Variants in FILIP1 observed in about 807,000 individuals in gnomAD.
The protein encoded by FILIP1 is filamin A interacting protein 1, also known as filamin-A-interacting protein 1.
FILIP1 carries 61 observed loss-of-function variants against 102.1 expected under a neutral mutation model. The ratio of observed to expected loss-of-function variants is 0.60; its 90% CI spans 0.49 to 0.74. The LOEUF (loss-of-function observed/expected upper bound fraction) is 0.74, where lower values mean the gene tolerates loss of function less well. Among genes scored for constraint, FILIP1 ranks in the 30% least tolerant of loss-of-function variants. FILIP1 has a pLI of 0.00. For synonymous variants in FILIP1, 491 were observed against 526.9 expected (o/e 0.93, Z 0.93); for missense variants, 1,314 against 1,441.2 (o/e 0.91, Z 1.43).
chr6:75,465,415 G>A, intron 1 of FILIP1: 1 of 624,528 alleles, frequency 1.6e-6, no homozygotes, highest in South Asian at 1.8e-5. Context: ...TAGCTCCAAT[G>A]AAGTGGTGGA....
intron 4 of FILIP1, among the ~76,000 whole-genome samples, chr6:75,317,194 T>C (rs755373926): frequency 6.6e-6 from 1 of 152,182 alleles, no homozygotes; most frequent in Non-Finnish European, 1.5e-5. Context: ...TGATTCTCAA[T>C]TTTTTCACCA....
chr6:75,317,382 T>C (rs1773479917), intron 4 of FILIP1, among the ~76,000 whole-genome samples: 2 of 152,186 alleles, frequency 1.3e-5, no homozygotes, highest in Admixed American at 6.5e-5. Flanking sequence ...TGAAGATTAA[T>C]TGAAATAGTA....
chr6:75,418,058 C>T (rs963002267), intron 1 of FILIP1, among the ~76,000 whole-genome samples: 1 of 152,296 alleles, frequency 6.6e-6, no homozygotes, highest in South Asian at 2.1e-4. Flanking sequence ...ATTAGCTGGG[C>T]ATGGTGGCGT....
intron 4 of FILIP1, among the ~76,000 whole-genome samples, chr6:75,350,211 A>G (rs1774742620): frequency 6.6e-6 from 1 of 152,202 alleles, no homozygotes; most frequent in Admixed American, 6.5e-5. Flanking sequence ...ACAGAAAAAC[A>G]AAAAAGATTT....
In FILIP1 at chr6:75,415,069, C is replaced by G. The variant is rs527816808; in HGVS notation, c.-6-91G>C. On this transcript the variant is annotated intron_variant, in intron 1 of 5. Transcript: ENST00000237172. ...TACTTAGAAACTTATAGCAGCTTTACCACATCGCCAATAAGGAAAAATCAA... is the reference window on the plus strand; with the variant it reads ...TACTTAGAAACTTATAGCAGCTTTAGCACATCGCCAATAAGGAAAAATCAA... The G allele has an allele frequency of 1.8e-5, 22 of 1,200,152 alleles. No homozygotes were observed. The African/African-American group carries it at 3.4e-4, about 18-fold the overall frequency. The allele number at this position is 1,200,152 out of a possible 1,614,324, so 74.3% of individuals were successfully genotyped here. A position where few individuals can be genotyped will look rare whatever the true frequency, so the allele number is the denominator to read the frequency against.
chr6:75,357,311 T>G (rs1296121149), intron 3 of FILIP1: 3 of 152,262 alleles, frequency 2.0e-5, no homozygotes, highest in Non-Finnish European at 4.4e-5. Flanking sequence ...AGTCATTACA[T>G]GGACATCTGG....
At chr6:75,372,676 A>G (rs1775576957) in intron 2 of FILIP1, among the ~76,000 whole-genome samples, 1 of 53,278 alleles carries the variant, frequency 1.9e-5, no homozygotes, top group African/African-American at 1.3e-4. Flanking sequence ...AAAGAAAGAA[A>G]GAAAGAAAGA....
intron 1 of FILIP1, among the ~76,000 whole-genome samples, chr6:75,450,524 C>T (rs1006191780): frequency 6.6e-6 from 1 of 151,768 alleles, no homozygotes; most frequent in Non-Finnish European, 1.5e-5. Flanking sequence ...TGGCATGTGC[C>T]TGTAGTCCCA....
chr6:75,326,126 T>TAGATAC (rs1562462029), intron 4 of FILIP1, among the ~76,000 whole-genome samples: 2 of 149,542 alleles, frequency 1.3e-5, no homozygotes, highest in Non-Finnish European at 3.0e-5. Context: ...TAGATAGATA[T>TAGATAC]ACACACACAC....
intron 2 of FILIP1, among the ~76,000 whole-genome samples, chr6:75,399,564 G>A (rs141816665): frequency 1.0e-3 from 153 of 152,228 alleles, no homozygotes; most frequent in Middle Eastern, 3.4e-3. Flanking sequence ...TGAAAACAAC[G>A]TGATGCCACA....
intron 2 of FILIP1, among the ~76,000 whole-genome samples, chr6:75,379,498 G>A (rs1265899403): frequency 1.3e-5 from 2 of 152,192 alleles, no homozygotes; most frequent in Non-Finnish European, 2.9e-5. Flanking sequence ...GTCAAACCAA[G>A]GCAGACTTAT....
At chr6:75,477,838 G>T (rs533343506) in intron 1 of FILIP1, among the ~76,000 whole-genome samples, 1 of 152,136 alleles carries the variant, frequency 6.6e-6, no homozygotes, top group South Asian at 2.1e-4. Context: ...AGGAAACAAG[G>T]ATATGAGAAT....
At chr6:75,468,368 G>A (rs989065986) in intron 1 of FILIP1, among the ~76,000 whole-genome samples, 3 of 152,180 alleles carry the variant, frequency 2.0e-5, no homozygotes, top group Admixed American at 2.0e-4. Flanking sequence ...AATTAATAAT[G>A]TCAGAAAAGG....
At chr6:75,430,177 C>A (rs1485787135) in intron 1 of FILIP1, among the ~76,000 whole-genome samples, 1 of 152,170 alleles carries the variant, frequency 6.6e-6, no homozygotes, top group African/African-American at 2.4e-5. Context: ...CTCTCTCCTG[C>A]TGCCATGTAA....
chr6:75,313,813 C>T lies in FILIP1; in HGVS notation c.2019G>A (p.Lys673=). ...CTAGTTGTTGAGAGAGGAAGTTAGC[C>T]TTATCCTGCTCAGTTCTAAATTTCT... ...LEQKFRTEQD[K]ANFLSQQLEE... Residue 673 remains lysine, a synonymous_variant, in exon 5 of 6, where the codon AAG becomes AAA. Transcript: ENST00000237172. The surrounding 1 kb of genome is among the most constrained non-coding windows in gnomAD (Gnocchi z 4.2). 3 of 1,613,216 alleles carry T rather than the reference C, an allele frequency of 1.9e-6. No homozygotes were observed. Among genetic ancestry groups the T allele is most frequent in the Non-Finnish European group, 1.7e-6 (2 of 1,179,720 alleles).
At chr6:75,385,199 A>G (rs959300432) in intron 2 of FILIP1, among the ~76,000 whole-genome samples, 3 of 152,176 alleles carry the variant, frequency 2.0e-5, no homozygotes, top group Admixed American at 6.6e-5. Context: ...TTAGAATCCC[A>G]GTCTCCTGAT....
intron 2 of FILIP1, among the ~76,000 whole-genome samples, chr6:75,389,759 T>A (rs1582433755): frequency 7.2e-5 from 11 of 152,234 alleles, no homozygotes; most frequent in African/African-American, 2.7e-4. Context: ...GATTCTTCTC[T>A]CTTTTCTTCT....
chr6:75,372,686 A>AAAG (rs1395213013), intron 2 of FILIP1, among the ~76,000 whole-genome samples: 2 of 27,228 alleles, frequency 7.3e-5, no homozygotes, highest in African/African-American at 4.6e-4. Flanking sequence ...AGAAAGAAAG[A>AAAG]GAAAGAAAGA....
At chr6:75,420,234 C>T (rs569276666) in intron 1 of FILIP1, among the ~76,000 whole-genome samples, 12 of 151,550 alleles carry the variant, frequency 7.9e-5, no homozygotes, top group South Asian at 4.2e-4. Flanking sequence ...TATTTTATGA[C>T]GTTCTGTTTA....
Sources: allele counts gnomAD v4.1 joint callset (sites outside exome capture counted in the v4.1 genomes callset), GRCh38; gene constraint gnomAD v4.1.1; non-coding constraint Gnocchi (gnomAD v3.1); transcripts MANE v1.5; gene names NCBI Gene and HGNC (gene_info 2026-07-23, HGNC 2026-07-21).